Variants in RAD51D observed in about 807,000 individuals in gnomAD.
RAD51D encodes the protein DNA repair protein RAD51 homolog 4.
RAD51D carries 38 observed loss-of-function variants against 44.1 expected under a neutral mutation model. The ratio of observed to expected loss-of-function variants is 0.86; its 90% CI spans 0.67 to 1.13. RAD51D has a LOEUF of 1.13. Ranked by LOEUF, RAD51D falls within the 50% of genes most tolerant of loss-of-function variation. The pLI is 0.00. For missense variants in RAD51D, 390 were observed against 414.0 expected (o/e 0.94, Z 0.50); for synonymous variants, 141 against 166.6 (o/e 0.85, Z 1.18).
intron 3 of RAD51D, among the ~76,000 whole-genome samples, chr17:35,109,627 CTG>C (rs1473928711): frequency 2.0e-5 from 3 of 150,364 alleles, no homozygotes; most frequent in Non-Finnish European, 3.0e-5. Flanking sequence ...TAATAGCTCA[CTG>C]TGTTTTTAAT....
chr17:35,097,046 C>T lies in RAD51D; in HGVS notation c.*3907G>A, dbSNP rs1454773251. The T allele has an allele frequency of 6.6e-6, 1 of 152,066 alleles. No homozygotes were observed. Among genetic ancestry groups the T allele is most frequent in the Non-Finnish European group, 1.5e-5 (1 of 68,018 alleles). 9.4% of individuals were successfully genotyped at this position (152,066 alleles called of 1,614,324 possible). A position where few individuals can be genotyped will look rare whatever the true frequency, so the allele number is the denominator to read the frequency against. On this transcript the variant is annotated 3_prime_UTR_variant, in exon 10 of 10. Coordinates refer to ENST00000345365, the MANE Select transcript of RAD51D (RefSeq NM_002878.4). ...AACATTAATTTCATCTGATGTCAGA[C>T]GAAGGGCATACAATAGTCCCCTGTA...
At chr17:35,113,997 A>G (rs554691978) in intron 3 of RAD51D, among the ~76,000 whole-genome samples, 160 of 152,146 alleles carry the variant, frequency 1.1e-3, no homozygotes, top group African/African-American at 3.8e-3. Flanking sequence ...AGTTGGCTGG[A>G]CGCAGTGGCT....
intron 8 of RAD51D, among the ~76,000 whole-genome samples, chr17:35,101,949 GA>G (rs1039793771): frequency 5.3e-5 from 8 of 152,116 alleles, no homozygotes; most frequent in African/African-American, 1.9e-4. Context: ...TTTACAAGGT[GA>G]AGAGTTATAG....
At chr17:35,115,956 G>GGAAAGAAAGAAAGAAAGAAA (rs71147458) in intron 3 of RAD51D, among the ~76,000 whole-genome samples, 1,887 of 64,994 alleles carry the variant, frequency 0.029, 89 homozygotes, top group East Asian at 0.07. Context: ...AAGGAAGAAA[G>GGAAAGAAAGAAAGAAAGAAA]GAAAGAAAGA....
rs146448657 is a variant in RAD51D, at chr17:35,119,575, G to C, written c.39C>G (p.Thr13=). 39 of 1,612,646 alleles carry C rather than the reference G, an allele frequency of 2.4e-5. No homozygotes were observed. In the African/African-American group the frequency reaches 4.9e-4, roughly 20 times the overall value. ...TCCTGAGAAGCTGGATCATCTCCTC[G>C]GTAAGGCCAGGGCACAGTCCGACCC... ...VLRVGLCPGL[T]EEMIQLLRSH... is the part of the protein sequence containing the mutation. The change falls in exon 1 of 10, where the codon ACC becomes ACG. Residue 13 remains threonine (T), a synonymous_variant. Transcript: ENST00000345365.
intron 1 of RAD51D, 22 bp downstream of exon 1, chr17:35,119,493 AGGCCCGCGCGGCTCCCT>A (rs747605416): frequency 3.7e-6 from 6 of 1,603,612 alleles, no homozygotes; most frequent in Non-Finnish European, 5.1e-6. Flanking sequence ...AGGTTGTGCG[AGGCCCGCGCGGCTCCCT>A]GGCACGCGCA....
chr17:35,117,125 C>T, intron 3 of RAD51D: 1 of 1,396,510 alleles, frequency 7.2e-7, no homozygotes, highest in Non-Finnish European at 9.8e-7. Flanking sequence ...TCGGTGCTTA[C>T]AGCTCTCTTG....
rs536459106 is a variant in RAD51D at position 35,097,599 on chromosome 17, C to T, written c.*3354G>A. ...GTGCCCTCAGGTCTCAAACCACCCC[C>T]GCAGGGGAAATTGAAAGTTGACGCT... On this transcript the variant is annotated 3_prime_UTR_variant, in exon 10 of 10. Transcript: ENST00000345365. 7 of 149,728 alleles carry T rather than the reference C, an allele frequency of 4.7e-5. No individual in the cohort carries two copies. Among genetic ancestry groups the T allele is most frequent in the South Asian group, 4.2e-4 (2 of 4,790 alleles). 9.3% of individuals were successfully genotyped at this position (149,728 alleles called of 1,614,324 possible). A position where few individuals can be genotyped will look rare whatever the true frequency, so the allele number is the denominator to read the frequency against.
In RAD51D at chr17:35,101,009, T is replaced by C. The variant is rs755265519; in HGVS notation, c.931A>G (p.Ile311Val). Residue 311 changes from isoleucine to valine, a missense_variant, in exon 10 of 10, where the codon ATT becomes GTT. Coordinates refer to ENST00000345365, the MANE Select transcript of RAD51D (RefSeq NM_002878.4). The part of the protein sequence containing the change: ...QPTGFQEMVD[I>V]GTWGTSEQSA... Reference sequence around the variant, plus strand: ...TGCTCTGAGGTCCCCCAGGTCCCAATGTCTACCATCTCCTGGAAACCTGTT... The same window carrying C: ...TGCTCTGAGGTCCCCCAGGTCCCAACGTCTACCATCTCCTGGAAACCTGTT... 1.2e-6 allele frequency: 2 copies of C among 1,613,908 alleles called. No individual in the cohort carries two copies. Among genetic ancestry groups the C allele is most frequent in the Non-Finnish European group, 1.7e-6 (2 of 1,179,766 alleles).
At position 35,103,173 on chromosome 17, in the gene RAD51D, G is replaced by A. The variant is rs977399510; in HGVS notation, c.738+81C>T. The A allele has an allele frequency of 3.5e-6, 5 of 1,423,018 alleles. No individual in the cohort carries two copies. In the African/African-American group the frequency reaches 5.7e-5, roughly 16 times the overall value. 88.1% of individuals were successfully genotyped at this position (1,423,018 alleles called of 1,614,324 possible). A position where few individuals can be genotyped will look rare whatever the true frequency, so the allele number is the denominator to read the frequency against. ...CCCTTTCCTAAAGGGCCACTTTGGGGTTCAGAAGCTGACATTTAAGGGAAA... is the reference window on the plus strand; with the variant it reads ...CCCTTTCCTAAAGGGCCACTTTGGGATTCAGAAGCTGACATTTAAGGGAAA... On this transcript the variant is annotated intron_variant, in intron 8 of 9. Transcript: ENST00000345365. This position sits in a 1 kb window ranked among gnomAD's most constrained non-coding sequence, Gnocchi z 4.1.
At chr17:35,114,481 G>C (rs2091714246) in intron 3 of RAD51D, among the ~76,000 whole-genome samples, 1 of 150,684 alleles carries the variant, frequency 6.6e-6, no homozygotes, top group Admixed American at 6.6e-5. Context: ...AGGAATTTGA[G>C]ACCAGCCTTG....
chr17:35,114,806 G>A (rs540694521), intron 3 of RAD51D, among the ~76,000 whole-genome samples: 3 of 152,328 alleles, frequency 2.0e-5, no homozygotes, highest in South Asian at 4.1e-4. Flanking sequence ...GAGTCCTCAG[G>A]TGACTCCAAT....
intron 3 of RAD51D, among the ~76,000 whole-genome samples, chr17:35,115,110 C>T (rs911028979): frequency 1.5e-4 from 23 of 152,150 alleles, no homozygotes; most frequent in African/African-American, 4.8e-4. Context: ...CCTTTAACTC[C>T]GCATGTCAAC....
intron 3 of RAD51D, among the ~76,000 whole-genome samples, chr17:35,110,119 T>A (rs1285047556): frequency 6.6e-6 from 1 of 152,002 alleles, no homozygotes; most frequent in East Asian, 1.9e-4. Flanking sequence ...TACAGGCATG[T>A]GCCACCACAC....
In RAD51D at chr17:35,097,121, C is replaced by A. The variant is rs2091490912; in HGVS notation, c.*3832G>T. 7.5e-6 allele frequency: 1 copy of A among 133,428 alleles called. No homozygotes were observed. The highest frequency in any genetic ancestry group is 1.7e-5 in the Non-Finnish European group (1 of 60,414). 8.3% of individuals were successfully genotyped at this position (133,428 alleles called of 1,614,324 possible). ...GGGGACTCAATGATGTGGGTGTGAA[C>A]ATATATATATATTTTTTAGATGGAG... is the stretch of plus-strand genomic sequence containing the variant. On this transcript the variant is annotated 3_prime_UTR_variant, in exon 10 of 10. Coordinates refer to ENST00000345365, the MANE Select transcript of RAD51D (RefSeq NM_002878.4).
rs369396909 is a variant in RAD51D, at chr17:35,107,378, G to A, written c.333C>T (p.Ser111=). Residue 111 remains serine, a synonymous_variant, in exon 4 of 10, where the codon AGC becomes AGT. Coordinates refer to ENST00000345365, the MANE Select transcript of RAD51D (RefSeq NM_002878.4). The part of the protein sequence containing the change: ...EVTEIVGGPG[S]GKTQVCLCMA... ...GCCTCACATGTACCTGAGTTTTGCC[G>A]CTACCTGGGCCTCCTACAATTTCAG... 11 of 1,558,044 alleles carry A rather than the reference G, an allele frequency of 7.1e-6. No homozygotes were observed. Among genetic ancestry groups the A allele is most frequent in the Admixed American group, 6.7e-5 (4 of 59,884 alleles).
At chr17:35,115,309 G>A (rs765071487) in intron 3 of RAD51D, 1 of 516,616 alleles carries the variant, frequency 1.9e-6, no homozygotes, top group African/African-American at 1.9e-5. Context: ...ATTCTAAAAT[G>A]AGGGGACTGT....
At chr17:35,112,834 C>T (rs930882652) in intron 3 of RAD51D, among the ~76,000 whole-genome samples, 2 of 152,196 alleles carry the variant, frequency 1.3e-5, no homozygotes, top group African/African-American at 4.8e-5. Flanking sequence ...GCTCATCTAG[C>T]TGAGAGCACC....
chr17:35,107,998 C>T (rs2091630121), intron 3 of RAD51D, among the ~76,000 whole-genome samples: 1 of 151,898 alleles, frequency 6.6e-6, no homozygotes, highest in Non-Finnish European at 1.5e-5. Flanking sequence ...GATCCACCCA[C>T]CTCGGCCTCC....
Sources: allele counts gnomAD v4.1 joint callset (sites outside exome capture counted in the v4.1 genomes callset), GRCh38; gene constraint gnomAD v4.1.1; non-coding constraint Gnocchi (gnomAD v3.1); transcripts MANE v1.5; gene names NCBI Gene and HGNC (gene_info 2026-07-23, HGNC 2026-07-21).